CFAP221: variants seen among roughly 807,000 people sequenced by gnomAD.
The protein encoded by CFAP221 is cilia and flagella associated protein 221, also known as cilia- and flagella-associated protein 221.
A neutral mutation model predicts 113.1 loss-of-function variants in CFAP221; 97 were observed. The ratio of observed to expected loss-of-function variants is 0.86; its 90% CI spans 0.73 to 1.02. CFAP221 has a LOEUF of 1.02. Among genes scored for constraint, CFAP221 ranks in the 50% least tolerant of loss-of-function variants. The probability of loss-of-function intolerance (pLI) is 0.00; values close to 1 mark genes in which losing one functional copy is unlikely to be tolerated. For synonymous variants in CFAP221, 331 were observed against 354.4 expected, an observed-to-expected ratio of 0.93 and a Z score of 0.74; for missense variants, 1,025 against 1,013.4, an observed-to-expected ratio of 1.01 and a Z score of -0.16.
chr2:119,590,791 AG>A (rs35597390), intron 7 of CFAP221, among the ~76,000 whole-genome samples: 1 of 152,176 alleles, frequency 6.6e-6, no homozygotes, highest in Non-Finnish European at 1.5e-5. Context: ...GAAAATAATG[AG>A]GGGAGGTTTC....
intron 7 of CFAP221, among the ~76,000 whole-genome samples, chr2:119,595,748 G>A (rs1683921246): frequency 1.3e-5 from 2 of 152,152 alleles, no homozygotes; most frequent in Admixed American, 1.3e-4. Flanking sequence ...AGCAAAAATG[G>A]TGGTGAGAAA....
intron 6 of CFAP221, among the ~76,000 whole-genome samples, chr2:119,568,477 C>T (rs1681801339): frequency 6.6e-6 from 1 of 152,112 alleles, no homozygotes; most frequent in African/African-American, 2.4e-5. Context: ...TTTCCTAATG[C>T]TCTCCCTCCC....
intron 7 of CFAP221, among the ~76,000 whole-genome samples, chr2:119,593,364 AT>A: frequency 6.6e-6 from 1 of 152,188 alleles, no homozygotes; most frequent in African/African-American, 2.4e-5. Flanking sequence ...TTGGTAATTT[AT>A]TTTTTAAAAA....
At chr2:119,618,945 C>T (rs1475114363) in intron 14 of CFAP221, among the ~76,000 whole-genome samples, 1 of 152,188 alleles carries the variant, frequency 6.6e-6, no homozygotes, top group African/African-American at 2.4e-5. Context: ...GCGATTTTCC[C>T]CTCACAGTGT....
chr2:119,596,879 T>C (rs1433436645), intron 7 of CFAP221, among the ~76,000 whole-genome samples: 1 of 152,196 alleles, frequency 6.6e-6, no homozygotes, highest in African/African-American at 2.4e-5. Flanking sequence ...TAGAGGCCAC[T>C]GAGTCCTTGT....
At position 119,602,646 on chromosome 2, in the gene CFAP221, G is replaced by A. The variant is rs114149723; in HGVS notation, c.791+1269G>A. The A allele has an allele frequency of 2.7e-3, 2,681 of 985,324 alleles. 41 individuals carry two copies. In the African/African-American group the frequency reaches 0.028, roughly 10 times the overall value. The allele number at this position is 985,324 out of a possible 1,614,324, so 61.0% of individuals were successfully genotyped here. On this transcript the variant is annotated intron_variant, in intron 8 of 23. Coordinates refer to ENST00000413369, the MANE Select transcript of CFAP221 (RefSeq NM_001271049.2). ...CCTAAGTCAACTGTAGGATATTAGT[G>A]TGGCCTGCTGAACCCAAATCCTGCA...
intron 7 of CFAP221, among the ~76,000 whole-genome samples, chr2:119,594,282 C>A (rs899293226): frequency 6.6e-6 from 1 of 151,850 alleles, no homozygotes; most frequent in Non-Finnish European, 1.5e-5. Flanking sequence ...TGTTGCCAGG[C>A]TGGAGTGCAG....
intron 22 of CFAP221, among the ~76,000 whole-genome samples, chr2:119,650,151 G>C (rs986639398): frequency 2.6e-5 from 4 of 152,058 alleles, no homozygotes; most frequent in African/African-American, 9.7e-5. Context: ...GTTGATTACG[G>C]TTTCTATTTT....
chr2:119,638,323 AC>A lies in CFAP221; in HGVS notation c.2041del (p.His681IlefsTer37). ...PLTYAETLID[Y>X]HLCSHPKYKF... ...ACCTATGCAGAAACGTTGATAGATTACCATCTATGCTCTCACCCCAAGTACA... is the reference window on the plus strand; with the variant it reads ...ACCTATGCAGAAACGTTGATAGATTACATCTATGCTCTCACCCCAAGTACA... On this transcript the variant is annotated frameshift_variant, in exon 20 of 24. Coordinates refer to ENST00000413369, the MANE Select transcript of CFAP221 (RefSeq NM_001271049.2). LOFTEE classifies it high-confidence loss of function. 6.2e-7 allele frequency: 1 copy of A among 1,613,370 alleles called. No homozygotes were observed. Among genetic ancestry groups the A allele is most frequent in the Non-Finnish European group, 8.5e-7 (1 of 1,179,280 alleles).
chr2:119,651,251 A>G (rs185965328), intron 22 of CFAP221, among the ~76,000 whole-genome samples: 1 of 152,366 alleles, frequency 6.6e-6, no homozygotes, highest in East Asian at 1.9e-4. Flanking sequence ...GCTCTAGGCC[A>G]GAGGTCAGCA....
At chr2:119,590,664 C>CT (rs377579533) in intron 7 of CFAP221, among the ~76,000 whole-genome samples, 69 of 152,370 alleles carry the variant, frequency 4.5e-4, no homozygotes, top group African/African-American at 1.3e-3. Flanking sequence ...CTTTTTGCAT[C>CT]TTTTTTCTCC....
chr2:119,621,369 A>C (rs1685909035), intron 14 of CFAP221, among the ~76,000 whole-genome samples: 1 of 152,218 alleles, frequency 6.6e-6, no homozygotes, highest in African/African-American at 2.4e-5. Flanking sequence ...TGCACCCAAT[A>C]CAGGAGCACA....
At chr2:119,656,939 A>G (rs927139774), downstream of CFAP221, among the ~76,000 whole-genome samples, 4 of 152,096 alleles carry the variant, frequency 2.6e-5, no homozygotes, top group African/African-American at 9.7e-5. Flanking sequence ...GTGGCAGGGG[A>G]CCTGGACCTG....
At chr2:119,649,836 A>G (rs1338146493) in intron 22 of CFAP221, among the ~76,000 whole-genome samples, 1 of 152,208 alleles carries the variant, frequency 6.6e-6, no homozygotes, top group Admixed American at 6.5e-5. Context: ...AAGAGGGGGA[A>G]GAGCTGGGTT....
chr2:119,576,084 G>A (rs1242902740), intron 6 of CFAP221, among the ~76,000 whole-genome samples: 3 of 152,150 alleles, frequency 2.0e-5, no homozygotes, highest in Non-Finnish European at 4.4e-5. Context: ...GGAAGTCAAA[G>A]GTCAGGCCAG....
chr2:119,616,608 A>T (rs1055803399), intron 14 of CFAP221, among the ~76,000 whole-genome samples: 1 of 151,702 alleles, frequency 6.6e-6, no homozygotes, highest in Non-Finnish European at 1.5e-5. Flanking sequence ...GTGTCATGTG[A>T]CCCCTGGTCT....
chr2:119,604,702 T>G lies in CFAP221; in HGVS notation c.822T>G (p.Leu274=). The change falls in exon 9 of 24, where the codon CTT becomes CTG. Residue 274 remains leucine (L), a synonymous_variant. Coordinates refer to ENST00000413369, the MANE Select transcript of CFAP221 (RefSeq NM_001271049.2). ...PLEEFERLNT[L]SKKVNVPPEK... is the part of the protein sequence containing the mutation. Reference sequence around the variant, plus strand: ...AAGAGTTTGAAAGGTTGAATACCCTTTCTAAGAAAGTAAACGTTCCTCCAG... The same window carrying G: ...AAGAGTTTGAAAGGTTGAATACCCTGTCTAAGAAAGTAAACGTTCCTCCAG... 1 of 1,557,090 alleles carries G rather than the reference T, an allele frequency of 6.4e-7. No individual in the cohort carries two copies. The highest frequency in any genetic ancestry group is 1.2e-5 in the South Asian group (1 of 82,270).
intron 3 of CFAP221, among the ~76,000 whole-genome samples, chr2:119,556,419 C>T (rs2104524678): frequency 6.6e-6 from 1 of 152,184 alleles, no homozygotes. Context: ...ATGAACAATT[C>T]CAGTTCAAGA....
At chr2:119,644,756 C>T (rs1687695303) in intron 21 of CFAP221, among the ~76,000 whole-genome samples, 1 of 152,096 alleles carries the variant, frequency 6.6e-6, no homozygotes, top group Non-Finnish European at 1.5e-5. Flanking sequence ...ATATACATAT[C>T]CATATTTTAG....
Sources: allele counts gnomAD v4.1 joint callset (sites outside exome capture counted in the v4.1 genomes callset), GRCh38; gene constraint gnomAD v4.1.1; transcripts MANE v1.5; gene names NCBI Gene and HGNC (gene_info 2026-07-23, HGNC 2026-07-21).